The following KCNJ6 variants were observed in gnomAD, a reference collection of about 807,000 sequenced individuals.
KCNJ6 encodes the protein G protein-activated inward rectifier potassium channel 2.
Under a neutral mutation model 34.2 loss-of-function variants are expected in KCNJ6, and 9 were observed. That is an observed-to-expected ratio of 0.26 (90% confidence interval 0.16 to 0.46). The LOEUF (loss-of-function observed/expected upper bound fraction) is 0.46. Among genes scored for constraint, KCNJ6 ranks in the 20% least tolerant of loss-of-function variants. KCNJ6 has a pLI of 1.00. For missense variants in KCNJ6, 236 were observed against 531.3 expected (o/e 0.44, Z 5.46); for synonymous variants, 196 against 207.1 (o/e 0.95, Z 0.46).
intron 3 of KCNJ6, among the ~76,000 whole-genome samples, chr21:37,684,497 A>G (rs1338456097): frequency 2.0e-5 from 3 of 152,224 alleles, no homozygotes; most frequent in Non-Finnish European, 4.4e-5. Flanking sequence ...GGACTTTACC[A>G]TATGAATTTT....
intron 3 of KCNJ6, among the ~76,000 whole-genome samples, chr21:37,678,381 G>A (rs1043784432): frequency 3.9e-5 from 6 of 152,164 alleles, no homozygotes; most frequent in African/African-American, 9.7e-5. Flanking sequence ...TGTTATGGTC[G>A]GTGCTGTTTT....
rs556291650 is a variant in KCNJ6, at chr21:37,738,301, T to C, written c.26-23170A>G. The stretch of plus-strand genomic sequence containing the variant: ...GTTTGGGTTTCATGCACTTGGGATA[T>C]AGTCCTTTTAAAATTACATTTTCTC... On this transcript the variant is annotated intron_variant, in intron 2 of 3. Coordinates refer to ENST00000609713, the MANE Select transcript of KCNJ6 (RefSeq NM_002240.5). Among the ~76,000 whole-genome samples, 3 of 151,234 alleles carry C rather than the reference T, an allele frequency of 2.0e-5. No individual in the cohort carries two copies. The South Asian group carries it at 6.3e-4, about 32-fold the overall frequency.
chr21:37,715,308 A>C (rs2054784677), intron 2 of KCNJ6, among the ~76,000 whole-genome samples, 177 bp from the exon 3 acceptor site: 1 of 152,158 alleles, frequency 6.6e-6, no homozygotes, highest in South Asian at 2.1e-4. Context: ...GTTGACTTGG[A>C]CTTCTGTGCT....
At chr21:37,696,034 T>G (rs1005895318) in intron 3 of KCNJ6, among the ~76,000 whole-genome samples, 2 of 152,298 alleles carry the variant, frequency 1.3e-5, no homozygotes, top group Non-Finnish European at 2.9e-5. Context: ...AATCCATGAA[T>G]CCATACTGAT....
chr21:37,772,351 T>C (rs1019328629), intron 2 of KCNJ6, among the ~76,000 whole-genome samples: 5 of 151,734 alleles, frequency 3.3e-5, no homozygotes, highest in African/African-American at 1.2e-4. Context: ...GGTTCATTGA[T>C]AGAAACACAC....
At chr21:37,915,775 G>A (rs1371157915) in intron 1 of KCNJ6, 109 bp downstream of exon 1, 12 of 152,248 alleles carry the variant, frequency 7.9e-5, no homozygotes, top group Admixed American at 6.5e-4. Context: ...GGAGATGCCT[G>A]CGGCGACGGC....
chr21:37,848,861 C>T (rs2055523463), intron 1 of KCNJ6, among the ~76,000 whole-genome samples: 2 of 152,104 alleles, frequency 1.3e-5, no homozygotes, highest in South Asian at 4.2e-4. Context: ...GTGTGTGTGT[C>T]CTCCCTGGCT....
At chr21:37,654,437 C>T (rs940024667) in intron 3 of KCNJ6, among the ~76,000 whole-genome samples, 10 of 151,502 alleles carry the variant, frequency 6.6e-5, no homozygotes, top group African/African-American at 2.4e-4. Flanking sequence ...AATGTTTTGG[C>T]ATTTCCTAAT....
chr21:37,630,437 G>A (rs2054329131), intron 3 of KCNJ6, among the ~76,000 whole-genome samples: 1 of 152,160 alleles, frequency 6.6e-6, no homozygotes, highest in African/African-American at 2.4e-5. Flanking sequence ...CTTGCTAAGT[G>A]AAAAGAGTGG....
rs2054274154 is a variant in KCNJ6 at position 37,617,122 on chromosome 21, TC to T, written c.*8036del. 2.3e-5 allele frequency: 3 copies of T among 127,670 alleles called. No individual in the cohort carries two copies. The highest frequency in any genetic ancestry group is 4.9e-4 in the East Asian group (2 of 4,050). The allele number at this position is 127,670 out of a possible 1,614,324, so 7.9% of individuals were successfully genotyped here. On this transcript the variant is annotated 3_prime_UTR_variant, in exon 4 of 4. Transcript: ENST00000609713. Reference sequence around the variant, plus strand: ...TTTCTTTCTTTCTTTCCTTCTTCCTTCCTTCCTTCTTTCTTTCCTTCCTTCC... The same window carrying T: ...TTTCTTTCTTTCTTTCCTTCTTCCTTCTTCCTTCTTTCTTTCCTTCCTTCC...
chr21:37,714,146 A>G lies in KCNJ6; in HGVS notation c.946+65T>C. 1 of 1,114,764 alleles carries G rather than the reference A, an allele frequency of 9.0e-7. No individual in the cohort carries two copies. The highest frequency in any genetic ancestry group is 1.3e-6 in the Non-Finnish European group (1 of 755,158). The allele number at this position is 1,114,764 out of a possible 1,614,324, so 69.1% of individuals were successfully genotyped here. ...TATTCTAGATCTTGTAATAGATAAG[A>G]ACATCAGGTCCAGTTTAAAATGAGC... is the stretch of plus-strand genomic sequence containing the variant. On this transcript the variant is annotated intron_variant, in intron 3 of 3. Transcript: ENST00000609713. This position sits in a 1 kb window ranked among gnomAD's most constrained non-coding sequence, Gnocchi z 5.9.
intron 2 of KCNJ6, among the ~76,000 whole-genome samples, chr21:37,761,862 T>C (rs560264003): frequency 1.3e-5 from 2 of 152,250 alleles, no homozygotes; most frequent in African/African-American, 4.8e-5. Flanking sequence ...TGCATGTTCA[T>C]GCACTCACTT....
intron 2 of KCNJ6, among the ~76,000 whole-genome samples, chr21:37,835,455 C>T (rs1034420879): frequency 6.6e-6 from 1 of 152,188 alleles, no homozygotes; most frequent in African/African-American, 2.4e-5. Context: ...TTGATGCATT[C>T]CCAGGACCTC....
chr21:37,856,948 A>G (rs4816585), intron 1 of KCNJ6, among the ~76,000 whole-genome samples: 71,441 of 151,932 alleles, frequency 0.47, 17,519 homozygotes, highest in East Asian at 0.61. Context: ...GGAGTATCGA[A>G]TGGTATCCCT....
intron 2 of KCNJ6, among the ~76,000 whole-genome samples, chr21:37,731,894 C>A (rs542937638): frequency 6.6e-6 from 1 of 152,140 alleles, no homozygotes; most frequent in Admixed American, 6.5e-5. Context: ...CAAGGTGGTG[C>A]ATTCAGCAAG....
chr21:37,820,610 G>A (rs191602604), intron 2 of KCNJ6, among the ~76,000 whole-genome samples: 2 of 152,264 alleles, frequency 1.3e-5, no homozygotes, highest in African/African-American at 2.4e-5. Flanking sequence ...TCTGGGGTTC[G>A]TATGACCCAT....
chr21:37,748,199 C>T (rs1013443395), intron 2 of KCNJ6, among the ~76,000 whole-genome samples: 6 of 152,206 alleles, frequency 3.9e-5, no homozygotes, highest in African/African-American at 9.7e-5. Flanking sequence ...CAACCCTGGA[C>T]AGCAGGTGCT....
At chr21:37,772,671 C>T (rs989321887) in intron 2 of KCNJ6, among the ~76,000 whole-genome samples, 1 of 152,114 alleles carries the variant, frequency 6.6e-6, no homozygotes, top group African/African-American at 2.4e-5. Context: ...GCCTATATTT[C>T]TCTTGCTATT....
chr21:37,725,119 G>C (rs2054847571), intron 2 of KCNJ6, among the ~76,000 whole-genome samples: 1 of 151,974 alleles, frequency 6.6e-6, no homozygotes, highest in African/African-American at 2.4e-5. Context: ...TACCCCAACA[G>C]AAAAAAATGG....
Sources: allele counts gnomAD v4.1 joint callset (sites outside exome capture counted in the v4.1 genomes callset), GRCh38; gene constraint gnomAD v4.1.1; non-coding constraint Gnocchi (gnomAD v3.1); transcripts MANE v1.5; gene names NCBI Gene and HGNC (gene_info 2026-07-23, HGNC 2026-07-21).